The following ZNF780B variants were observed in gnomAD, a reference collection of about 807,000 sequenced individuals.
ZNF780B encodes zinc finger protein 779.
In ZNF780B, 52 loss-of-function variants were observed where a neutral mutation model predicts 74.1. The observed-to-expected ratio is 0.70, with a 90% CI of 0.56 to 0.88. The LOEUF is 0.88. Among genes scored for constraint, ZNF780B ranks in the 40% least tolerant of loss-of-function variants. The pLI is 0.00. For missense variants in ZNF780B, 953 were observed against 1,007.6 expected, an observed-to-expected ratio of 0.95 and a Z score of 0.73; for synonymous variants, 315 against 324.3, an observed-to-expected ratio of 0.97 and a Z score of 0.31.
At chr19:40,045,049 G>GT (rs1972868273) in intron 4 of ZNF780B, among the ~76,000 whole-genome samples, 1 of 151,938 alleles carries the variant, frequency 6.6e-6, no homozygotes, top group Non-Finnish European at 1.5e-5. Context: ...AAATAGCTAC[G>GT]TTTATATCAG....
rs1438648760 is a variant in ZNF780B, at chr19:40,036,387, T to A, written c.472A>T (p.Ile158Phe). 1 of 1,611,060 alleles carries A rather than the reference T, an allele frequency of 6.2e-7. No homozygotes were observed. The highest frequency in any genetic ancestry group is 1.7e-5 in the Admixed American group (1 of 59,416). ...TCATATGGTTTATGTGTATTATGAATAGGAGAAGCATGAGTATAAGCAGGC... is the reference window on the plus strand; with the variant it reads ...TCATATGGTTTATGTGTATTATGAAAAGGAGAAGCATGAGTATAAGCAGGC... ...EMPAYTHASP[I>F]HNTHKPYECK... Residue 158 changes from isoleucine to phenylalanine, a missense_variant, in exon 5 of 5, where the codon ATT (isoleucine) becomes TTT (phenylalanine). Transcript: ENST00000434248.
At position 40,030,593 on chromosome 19, in the gene ZNF780B, T is replaced by A. The variant is rs1011058441; in HGVS notation, c.*3764A>T. 6.6e-6 allele frequency: 1 copy of A among 152,230 alleles called. No individual in the cohort carries two copies. Among genetic ancestry groups the A allele is most frequent in the South Asian group, 2.1e-4 (1 of 4,834 alleles). The allele number at this position is 152,230 out of a possible 1,614,324, so 9.4% of individuals were successfully genotyped here. A position where few individuals can be genotyped will look rare whatever the true frequency, so the allele number is the denominator to read the frequency against. On this transcript the variant is annotated 3_prime_UTR_variant, in exon 5 of 5. Transcript: ENST00000434248. Reference sequence around the variant, plus strand: ...TGGGGATTACAGGCGTGAGCCACCGTGCCTGGCCGTGATTTTTAAATTTGT... The same window carrying A: ...TGGGGATTACAGGCGTGAGCCACCGAGCCTGGCCGTGATTTTTAAATTTGT...
chr19:40,048,113 C>G (rs1973019174), intron 3 of ZNF780B, among the ~76,000 whole-genome samples: 1 of 152,136 alleles, frequency 6.6e-6, no homozygotes, highest in Non-Finnish European at 1.5e-5. Context: ...GTTCTGTCAA[C>G]CCAATCAGTA....
chr19:40,047,190 C>A, intron 4 of ZNF780B, 185 bp downstream of exon 4: 1 of 550,448 alleles, frequency 1.8e-6, no homozygotes. Flanking sequence ...GATGAAGTTC[C>A]TTGGGGACAG....
intron 2 of ZNF780B, among the ~76,000 whole-genome samples, chr19:40,049,749 C>T (rs899438546): frequency 3.3e-5 from 5 of 152,236 alleles, no homozygotes; most frequent in Non-Finnish European, 7.3e-5. Flanking sequence ...TTCCAACATT[C>T]TTTCTGACCA....
At chr19:40,040,373 T>G (rs1972575292) in intron 4 of ZNF780B, among the ~76,000 whole-genome samples, 1 of 152,232 alleles carries the variant, frequency 6.6e-6, no homozygotes, top group African/African-American at 2.4e-5. Flanking sequence ...AAAATTCTCT[T>G]TTTTCGTTGT....
chr19:40,033,893 C>T lies in ZNF780B; in HGVS notation c.*464G>A, dbSNP rs139103718. On this transcript the variant is annotated 3_prime_UTR_variant, in exon 5 of 5. Transcript: ENST00000434248. Reference sequence around the variant, plus strand: ...GAATTTTAACATGTTGAACAAGGCTCGAGCTACAAGTAAAGGTCTTTCCAC... The same window carrying T: ...GAATTTTAACATGTTGAACAAGGCTTGAGCTACAAGTAAAGGTCTTTCCAC... The T allele has an allele frequency of 7.4e-5, 13 of 176,858 alleles. No homozygotes were observed. Among genetic ancestry groups the T allele is most frequent in the African/African-American group, 2.6e-4 (11 of 41,822 alleles). The allele number at this position is 176,858 out of a possible 1,614,324, so 11.0% of individuals were successfully genotyped here.
intron 2 of ZNF780B, among the ~76,000 whole-genome samples, chr19:40,049,320 T>A (rs1410390028): frequency 6.6e-6 from 1 of 151,310 alleles, no homozygotes; most frequent in African/African-American, 2.4e-5. Context: ...TATCAGATGA[T>A]AGCAAAAGTA....
intron 4 of ZNF780B, among the ~76,000 whole-genome samples, chr19:40,041,396 G>C (rs1231080298): frequency 6.6e-6 from 1 of 152,188 alleles, no homozygotes; most frequent in East Asian, 1.9e-4. Flanking sequence ...ATTTGGGGTG[G>C]AGAGTTCTGT....
chr19:40,035,232 G>A lies in ZNF780B; in HGVS notation c.1627C>T (p.Gln543Ter). 6.2e-6 allele frequency: 10 copies of A among 1,613,174 alleles called. No individual in the cohort carries two copies. Among genetic ancestry groups the A allele is most frequent in the Non-Finnish European group, 7.6e-6 (9 of 1,179,774 alleles). ...TGAGTTTTCTCATGTTGAGAAAGTT[G>A]TAGGTGAAGTCTAAAAGCCTTCCCA... ...ECGKAFRLHL[Q>*]LSQHEKTHTG... The change falls in exon 5 of 5, where the codon CAA becomes TAA. Residue 543 changes from glutamine to a stop codon, truncating the protein, a stop_gained. Transcript: ENST00000434248. LOFTEE classifies it high-confidence loss of function.
At chr19:40,046,886 AG>A (rs1455588335) in intron 4 of ZNF780B, among the ~76,000 whole-genome samples, 4 of 152,240 alleles carry the variant, frequency 2.6e-5, no homozygotes, top group Non-Finnish European at 4.4e-5. Context: ...AAACACATGT[AG>A]AAATCTAAAT....
Position 40,036,158 on chromosome 19 carries a change from G to A in ZNF780B, c.701C>T (p.Thr234Ile). 3.1e-6 allele frequency: 5 copies of A among 1,613,928 alleles called. No individual in the cohort carries two copies. Among genetic ancestry groups the A allele is most frequent in the Non-Finnish European group, 4.2e-6 (5 of 1,179,968 alleles). ...KECGKAFNLP[T>I]QLNRHKNIHT... ...AATGTTCTTATGGCGATTAAGCTGG[G>A]TGGGAAGATTAAAGGCTTTTCCACA... The change falls in exon 5 of 5, where the codon ACC becomes ATC. Residue 234 changes from threonine to isoleucine, a missense_variant. Coordinates refer to ENST00000434248, the MANE Select transcript of ZNF780B (RefSeq NM_001005851.3).
At position 40,035,948 on chromosome 19, in the gene ZNF780B, G is replaced by A. The variant is rs1431285778; in HGVS notation, c.911C>T (p.Pro304Leu). ...QHQKIHSNEK[P>L]FVCRECEMAF... is the part of the protein sequence containing the mutation. ...CATCTCACATTCCCTACATACAAAG[G>A]GTTTCTCATTGGAATGAATTTTTTG... Residue 304 changes from proline to leucine, a missense_variant, in exon 5 of 5, where the codon CCC (proline) becomes CTC (leucine). By Grantham distance (98) the Pro-to-Leu change is moderately conservative. Coordinates refer to ENST00000434248, the MANE Select transcript of ZNF780B (RefSeq NM_001005851.3). 1 of 1,613,280 alleles carries A rather than the reference G, an allele frequency of 6.2e-7. No individual in the cohort carries two copies. Among genetic ancestry groups the A allele is most frequent in the Non-Finnish European group, 8.5e-7 (1 of 1,179,860 alleles).
At chr19:40,040,802 T>A (rs1312721220) in intron 4 of ZNF780B, among the ~76,000 whole-genome samples, 1 of 152,226 alleles carries the variant, frequency 6.6e-6, no homozygotes, top group Non-Finnish European at 1.5e-5. Flanking sequence ...CTTCTCTCTT[T>A]TCTTCTTTAT....
At chr19:40,052,249 C>T (rs752917527) in intron 1 of ZNF780B, among the ~76,000 whole-genome samples, 6 of 152,030 alleles carry the variant, frequency 3.9e-5, no homozygotes, top group Non-Finnish European at 5.9e-5. Context: ...ATCCTGTGCA[C>T]GGTACAATGT....
At chr19:40,041,900 A>C (rs1049501451) in intron 4 of ZNF780B, among the ~76,000 whole-genome samples, 3 of 152,152 alleles carry the variant, frequency 2.0e-5, no homozygotes, top group Non-Finnish European at 2.9e-5. Context: ...AATTTAGCCC[A>C]TTTACATTTA....
In ZNF780B at chr19:40,035,292, G is replaced by A. The variant is rs760327427; in HGVS notation, c.1567C>T (p.His523Tyr). ...CATTCATAGGGCTTCTCACCAGTGTGAATACTCTGATGTTGAACAAGGTTC... is the reference window on the plus strand; with the variant it reads ...CATTCATAGGGCTTCTCACCAGTGTAAATACTCTGATGTTGAACAAGGTTC... The part of the protein sequence containing the change: ...GSNLVQHQSI[H>Y]TGEKPYECKE... The change falls in exon 5 of 5, where the codon CAC becomes TAC. Residue 523 changes from histidine to tyrosine, a missense_variant. By Grantham distance (83) the His-to-Tyr change is moderately conservative (BLOSUM62 2). Coordinates refer to ENST00000434248, the MANE Select transcript of ZNF780B (RefSeq NM_001005851.3). 1.9e-5 allele frequency: 30 copies of A among 1,613,956 alleles called. No individual in the cohort carries two copies. The highest frequency in any genetic ancestry group is 2.3e-5 in the Non-Finnish European group (27 of 1,180,026).
intron 4 of ZNF780B, among the ~76,000 whole-genome samples, chr19:40,037,387 ATTTCTT>A (rs1305940548): frequency 6.6e-6 from 1 of 152,084 alleles, no homozygotes; most frequent in Non-Finnish European, 1.5e-5. Flanking sequence ...AGTCTGGACA[ATTTCTT>A]TTTCTTTAGT....
In ZNF780B at chr19:40,034,726, C is replaced by G. The variant is rs1307574350; in HGVS notation, c.2133G>C (p.Gln711His). ...ECRKTFRYHY[Q>H]LTEHYRIHTG... ...TATGAATTCGGTAATGTTCAGTAAG[C>G]TGGTAATGATATCTAAAGGTCTTCC... Residue 711 changes from glutamine to histidine, a missense_variant, in exon 5 of 5, where the codon CAG (glutamine) becomes CAC (histidine). By Grantham distance (24) the Gln-to-His change is conservative. Transcript: ENST00000434248. 1.2e-6 allele frequency: 2 copies of G among 1,613,720 alleles called. No homozygotes were observed. The highest frequency in any genetic ancestry group is 1.3e-5 in the African/African-American group (1 of 74,920).
Sources: allele counts gnomAD v4.1 joint callset (sites outside exome capture counted in the v4.1 genomes callset), GRCh38; gene constraint gnomAD v4.1.1; transcripts MANE v1.5; gene names NCBI Gene and HGNC (gene_info 2026-07-23, HGNC 2026-07-21).